FBXL17: variants seen among roughly 807,000 people sequenced by gnomAD.
The protein encoded by FBXL17 is F-box and leucine rich repeat protein 17.
Under a neutral mutation model 66.2 loss-of-function variants are expected in FBXL17, and 22 were observed. That is an observed-to-expected ratio of 0.33 (90% CI 0.24 to 0.47). The LOEUF is 0.47. Ranked by LOEUF, FBXL17 falls within the 20% of genes least tolerant of loss-of-function variation. The pLI, the probability that FBXL17 is intolerant of heterozygous loss-of-function variation, is 1.00. For synonymous variants in FBXL17, 474 were observed against 400.5 expected, an observed-to-expected ratio of 1.18 and a Z score of -2.19; for missense variants, 878 against 948.2, an observed-to-expected ratio of 0.93 and a Z score of 0.97.
intron 6 of FBXL17, among the ~76,000 whole-genome samples, chr5:108,092,179 A>G (rs1749210830): frequency 6.6e-6 from 1 of 152,222 alleles, no homozygotes; most frequent in Non-Finnish European, 1.5e-5. Flanking sequence ...TCCTCCTAGT[A>G]TGCTGGACCA....
At chr5:108,224,428 C>T (rs542503791) in intron 4 of FBXL17, among the ~76,000 whole-genome samples, 200 bp from the exon 5 acceptor site, 70 of 152,090 alleles carry the variant, frequency 4.6e-4, no homozygotes, top group African/African-American at 1.6e-3. Flanking sequence ...CACTTCTTAT[C>T]ACCCCATGTT....
chr5:108,359,846 A>T (rs936997380), intron 3 of FBXL17, among the ~76,000 whole-genome samples: 1 of 151,942 alleles, frequency 6.6e-6, no homozygotes, highest in African/African-American at 2.4e-5. Flanking sequence ...TTCTTTGTTA[A>T]TCTTCTTCCT....
intron 7 of FBXL17, among the ~76,000 whole-genome samples, chr5:107,959,454 G>C (rs546145932): frequency 6.7e-6 from 1 of 150,024 alleles, no homozygotes; most frequent in African/African-American, 2.5e-5. Flanking sequence ...TTTTATTTCT[G>C]TACATATGTT....
At chr5:107,978,926 A>G (rs1752695186) in intron 7 of FBXL17, among the ~76,000 whole-genome samples, 1 of 152,210 alleles carries the variant, frequency 6.6e-6, no homozygotes, top group South Asian at 2.1e-4. Flanking sequence ...TTACAGAACC[A>G]CATATAAGGG....
intron 5 of FBXL17, among the ~76,000 whole-genome samples, chr5:108,186,758 A>T (rs1297420768): frequency 6.6e-6 from 1 of 151,344 alleles, no homozygotes; most frequent in Non-Finnish European, 1.5e-5. Flanking sequence ...ACAGAGTGAG[A>T]CTGCGTATCA....
rs936299276 is a variant in FBXL17 at position 107,963,705 on chromosome 5, T to A, written c.1822+57220A>T. ...ACAGTAGATGTTATTATTATCATAA[T>A]ACCTCCATTTACTATAAAATACAAT... On this transcript the variant is annotated intron_variant, in intron 7 of 8. Transcript: ENST00000542267. Among the ~76,000 whole-genome samples, 9 of 152,278 alleles carry A rather than the reference T, an allele frequency of 5.9e-5. No individual in the cohort carries two copies. In the East Asian group the frequency reaches 1.7e-3, roughly 29 times the overall value.
chr5:108,317,315 GTTTTGTT>G (rs944571352), intron 4 of FBXL17, among the ~76,000 whole-genome samples: 31 of 149,654 alleles, frequency 2.1e-4, no homozygotes, highest in East Asian at 1.9e-3. Flanking sequence ...AAATTACTGA[GTTTTGTT>G]TTTTGTTTTT....
At chr5:108,127,597 G>C (rs1282082686) in intron 6 of FBXL17, among the ~76,000 whole-genome samples, 2 of 152,076 alleles carry the variant, frequency 1.3e-5, no homozygotes, top group Non-Finnish European at 2.9e-5. Context: ...TTAGGACATG[G>C]AAGGAGCTAG....
At chr5:108,267,390 A>G (rs1278501774) in intron 4 of FBXL17, among the ~76,000 whole-genome samples, 2 of 152,106 alleles carry the variant, frequency 1.3e-5, no homozygotes, top group Non-Finnish European at 2.9e-5. Flanking sequence ...TCTAGTTTAT[A>G]TAAGACATTA....
At chr5:108,283,563 C>A (rs962466773) in intron 4 of FBXL17, among the ~76,000 whole-genome samples, 9 of 151,602 alleles carry the variant, frequency 5.9e-5, no homozygotes, top group Non-Finnish European at 1.3e-4. Context: ...ATATAGGAAC[C>A]AAAGTTATAA....
chr5:107,942,205 C>G (rs1307729611), intron 7 of FBXL17, among the ~76,000 whole-genome samples: 1 of 152,126 alleles, frequency 6.6e-6, no homozygotes, highest in African/African-American at 2.4e-5. Context: ...ACTGGTCCTT[C>G]CCCACCACCA....
chr5:108,082,017 T>C (rs1218621434), intron 6 of FBXL17, among the ~76,000 whole-genome samples: 1 of 152,066 alleles, frequency 6.6e-6, no homozygotes, highest in Non-Finnish European at 1.5e-5. Context: ...GCCTCCAATA[T>C]TGTTACGAGG....
intron 4 of FBXL17, chr5:108,298,469 T>A: frequency 1.0e-6 from 1 of 971,010 alleles, no homozygotes; most frequent in Non-Finnish European, 1.2e-6. Context: ...TAAATTTTAC[T>A]GAAAGCATCT....
chr5:107,978,372 A>G (rs1466058710), intron 7 of FBXL17, among the ~76,000 whole-genome samples: 1 of 152,186 alleles, frequency 6.6e-6, no homozygotes, highest in Non-Finnish European at 1.5e-5. Context: ...TTGTAAAACT[A>G]ATGAAAGGCC....
chr5:108,381,155 G>C lies in FBXL17; in HGVS notation c.537C>G (p.Phe179Leu). 1 of 1,410,406 alleles carries C rather than the reference G, an allele frequency of 7.1e-7. No homozygotes were observed. The highest frequency in any genetic ancestry group is 9.2e-7 in the Non-Finnish European group (1 of 1,084,438). The allele number at this position is 1,410,406 out of a possible 1,614,324, so 87.4% of individuals were successfully genotyped here. The change falls in exon 1 of 9, where the codon TTC becomes TTG. Residue 179 changes from phenylalanine to leucine, a missense_variant. By Grantham distance (22) the Phe-to-Leu change is conservative (BLOSUM62 0). This residue lies in a region of FBXL17 where 605 missense variants were observed against 509.5 expected (regional missense o/e 1.19). Coordinates refer to ENST00000542267, the MANE Select transcript of FBXL17 (RefSeq NM_001163315.3). ...FLGPPAAVQLFRGPTPSPAEL... is the reference protein window; with the variant it reads ...FLGPPAAVQLLRGPTPSPAEL... Reference sequence around the variant, plus strand: ...CGGCCGGTGACGGTGTCGGCCCCCGGAAGAGCTGCACGGCGGCGGGCGGCC... The same window carrying C: ...CGGCCGGTGACGGTGTCGGCCCCCGCAAGAGCTGCACGGCGGCGGGCGGCC...
chr5:108,221,249 C>T (rs1754851835), intron 5 of FBXL17, among the ~76,000 whole-genome samples: 1 of 152,150 alleles, frequency 6.6e-6, no homozygotes, highest in African/African-American at 2.4e-5. Flanking sequence ...TATCAATGTC[C>T]TTCCATCTAT....
intron 4 of FBXL17, among the ~76,000 whole-genome samples, chr5:108,292,820 C>T (rs996271715): frequency 4.6e-5 from 7 of 152,126 alleles, no homozygotes; most frequent in African/African-American, 1.7e-4. Context: ...CTTGTTGAGG[C>T]CGGGCGTGGT....
At chr5:108,058,419 TTTCTTCTTTCTTTCTCTTTC>T (rs1747795020) in intron 6 of FBXL17, among the ~76,000 whole-genome samples, 1 of 29,024 alleles carries the variant, frequency 3.4e-5, no homozygotes, top group Non-Finnish European at 7.2e-5. Flanking sequence ...TTTCTCTTTC[TTTCTTCTTTCTTTCTCTTTC>T]TTTCTTCTCT....
chr5:108,024,167 T>C (rs1754706660), intron 6 of FBXL17, among the ~76,000 whole-genome samples: 1 of 152,128 alleles, frequency 6.6e-6, no homozygotes, highest in Non-Finnish European at 1.5e-5. Context: ...TATGACAACA[T>C]AAGGAGTTAT....
Sources: gnomAD v4.1 joint callset for allele counts (sites outside exome capture counted in the v4.1 genomes callset) on GRCh38, gnomAD v4.1.1 for gene constraint, gnomAD v4.1.1 regional missense constraint, MANE v1.5 for transcripts, NCBI Gene and HGNC (gene_info 2026-07-23, HGNC 2026-07-21) for gene names.